The following SUCO variants were observed in gnomAD, a reference collection of about 807,000 sequenced individuals.
SUCO encodes SUN domain-containing ossification factor.
In SUCO, 57 loss-of-function variants were observed where a neutral mutation model predicts 148.1. That is an observed-to-expected ratio of 0.38 (90% confidence interval 0.31 to 0.48). The LOEUF is 0.48. SUCO is among the 20% of genes least tolerant of loss of function. The probability of loss-of-function intolerance (pLI) is 0.96; values close to 1 mark genes in which losing one functional copy is unlikely to be tolerated. For missense variants in SUCO, 1,331 were observed against 1,468.2 expected, an observed-to-expected ratio of 0.91 and a Z score of 1.53; for synonymous variants, 470 against 502.7, an observed-to-expected ratio of 0.93 and a Z score of 0.87.
chr1:172,533,026 C>G (rs891279942), upstream of SUCO: 13 of 1,431,288 alleles, frequency 9.1e-6, no homozygotes, highest in African/African-American at 2.9e-5. Flanking sequence ...TGACGCGTCC[C>G]TTTCCAGCTC....
chr1:172,607,679 C>A (rs1241670730), intron 22 of SUCO, among the ~76,000 whole-genome samples: 2 of 151,280 alleles, frequency 1.3e-5, no homozygotes, highest in Non-Finnish European at 3.0e-5. Context: ...TTAAAAAAAA[C>A]AAACTATCAT....
At chr1:172,591,481 CA>C (rs1350864168) in intron 19 of SUCO, among the ~76,000 whole-genome samples, 5 of 136,530 alleles carry the variant, frequency 3.7e-5, no homozygotes, top group Non-Finnish European at 7.7e-5. Flanking sequence ...ACCCTGTGTC[CA>C]AGTATTCTCA....
chr1:172,608,682 A>T (rs1317284427), intron 22 of SUCO, 65 bp from the exon 23 acceptor site: 7 of 1,080,318 alleles, frequency 6.5e-6, no homozygotes, highest in Non-Finnish European at 9.8e-6. Context: ...TTAGTGTTTA[A>T]TTATAGCAAA....
intron 6 of SUCO, among the ~76,000 whole-genome samples, chr1:172,562,079 A>G (rs901377894): frequency 6.6e-6 from 1 of 152,158 alleles, no homozygotes; most frequent in Non-Finnish European, 1.5e-5. Flanking sequence ...ATAAAAAAAC[A>G]ACAGCATAGA....
At chr1:172,569,300 A>T (rs1187416772) in intron 7 of SUCO, 158 bp downstream of exon 7, 1 of 755,130 alleles carries the variant, frequency 1.3e-6, no homozygotes, top group Non-Finnish European at 1.6e-6. Context: ...TCCATCCATC[A>T]TGTACCTGTA....
chr1:172,586,323 T>A (rs1361333244), intron 17 of SUCO, among the ~76,000 whole-genome samples: 3 of 152,144 alleles, frequency 2.0e-5, no homozygotes, highest in Non-Finnish European at 4.4e-5. Flanking sequence ...TGATCTGTGG[T>A]ATCCCTAGAA....
chr1:172,544,977 G>T (rs1187582660), intron 1 of SUCO, among the ~76,000 whole-genome samples: 1 of 152,116 alleles, frequency 6.6e-6, no homozygotes, highest in Non-Finnish European at 1.5e-5. Flanking sequence ...TTGAGTTAAG[G>T]CAGTCAGAAT....
intron 19 of SUCO, among the ~76,000 whole-genome samples, chr1:172,598,921 G>C (rs2149268216): frequency 6.6e-6 from 1 of 152,200 alleles, no homozygotes; most frequent in African/African-American, 2.4e-5. Flanking sequence ...GAAATATTTT[G>C]TTACAGTTTT....
chr1:172,598,199 G>A (rs114570963), intron 19 of SUCO, among the ~76,000 whole-genome samples: 73 of 152,250 alleles, frequency 4.8e-4, no homozygotes, highest in African/African-American at 1.8e-3. Context: ...TCATTCGTTG[G>A]AATGAGCGTC....
At chr1:172,598,533 C>T (rs1657281232) in intron 19 of SUCO, among the ~76,000 whole-genome samples, 1 of 152,178 alleles carries the variant, frequency 6.6e-6, no homozygotes, top group South Asian at 2.1e-4. Flanking sequence ...TGCATAATGT[C>T]ATCTTAATAT....
intron 2 of SUCO, chr1:172,552,695 G>T (rs66573545): frequency 0.028 from 25,638 of 912,792 alleles, 418 homozygotes; most frequent in Non-Finnish European, 0.031. Context: ...CAGTATATAA[G>T]ATTTTGATTT....
intron 5 of SUCO, 99 bp from the exon 6 acceptor site, chr1:172,557,545 C>G: frequency 6.8e-7 from 1 of 1,475,934 alleles, no homozygotes; most frequent in Non-Finnish European, 9.2e-7. Context: ...GTGTTTCTTC[C>G]TTGGTTTACT....
rs771822037 is a variant in SUCO, at chr1:172,602,777, T to A, written c.3255T>A (p.Thr1085=). The A allele has an allele frequency of 6.2e-7, 1 of 1,611,314 alleles. No homozygotes were observed. Among genetic ancestry groups the A allele is most frequent in the Non-Finnish European group, 8.5e-7 (1 of 1,178,280 alleles). The change falls in exon 22 of 24, where the codon ACT becomes ACA. Residue 1085 remains threonine, a synonymous_variant. Transcript: ENST00000263688. ...PLMRSKSLQL[T]GKEVDPNDLY... ...TGAGATCCAAGTCTCTACAGTTAAC[T>A]GGCAAAGAAGGTAGATTTCTGTGGA...
intron 19 of SUCO, 128 bp from the exon 20 acceptor site, chr1:172,599,936 A>G (rs1657387707): frequency 1.6e-6 from 1 of 641,600 alleles, no homozygotes; most frequent in African/African-American, 1.9e-5. Flanking sequence ...TTACTTACTC[A>G]TTGAGATTCC....
At chr1:172,570,412 A>G (rs1403040882) in intron 8 of SUCO, 2 of 490,282 alleles carry the variant, frequency 4.1e-6, no homozygotes. Context: ...GGAAATAACT[A>G]AAATATTATT....
Position 172,553,073 on chromosome 1 carries a change from ATGT to A in SUCO, c.178-183_178-181del, listed in dbSNP as rs111583627. 3.4e-3 allele frequency: 917 copies of A among 269,014 alleles called. 10 individuals are homozygous for A. The highest frequency in any genetic ancestry group is 0.019 in the African/African-American group (845 of 43,756). The allele number at this position is 269,014 out of a possible 1,614,324, so 16.7% of individuals were successfully genotyped here. On this transcript the variant is annotated intron_variant, in intron 2 of 23. Transcript: ENST00000263688. ...TGAACTGGTGTATTGCACATTTTAA[ATGT>A]TGTAGCAATGAGGGGATTCAAGGAA... is the stretch of plus-strand genomic sequence containing the variant.
intron 16 of SUCO, 44 bp from the exon 17 acceptor site, chr1:172,585,814 G>C: frequency 3.7e-6 from 5 of 1,342,226 alleles, no homozygotes; most frequent in Non-Finnish European, 5.2e-6. Flanking sequence ...TCATGGTACA[G>C]CTTTTAAAAT....
chr1:172,557,832 G>A, intron 6 of SUCO, 38 bp downstream of exon 6: 5 of 1,475,334 alleles, frequency 3.4e-6, no homozygotes, highest in Non-Finnish European at 4.6e-6. Flanking sequence ...ACTTCTTTAT[G>A]TAATGCATTT....
rs538486038 is a variant in SUCO, at chr1:172,567,556, G to A, written c.733-1463G>A. The stretch of plus-strand genomic sequence containing the variant: ...CTTAAGTAACATTTTATTCAACATT[G>A]TTTTGAGATTTGTTCATTGTTTCCA... On this transcript the variant is annotated intron_variant, in intron 6 of 23. Coordinates refer to ENST00000263688, the MANE Select transcript of SUCO (RefSeq NM_014283.5). Among the ~76,000 whole-genome samples the A allele has an allele frequency of 1.8e-4, 28 of 152,158 alleles. No homozygotes were observed. In the South Asian group the frequency reaches 5.0e-3, roughly 27 times the overall value.
Sources: gnomAD v4.1 joint callset for allele counts (sites outside exome capture counted in the v4.1 genomes callset) on GRCh38, gnomAD v4.1.1 for gene constraint, MANE v1.5 for transcripts, NCBI Gene and HGNC (gene_info 2026-07-23, HGNC 2026-07-21) for gene names.